Variants in MID1 observed in about 807,000 individuals in gnomAD.
The protein encoded by MID1 is midline 1, also known as E3 ubiquitin-protein ligase Midline-1.
MID1 carries 7 observed loss-of-function variants against 40.4 expected under a neutral mutation model. The ratio of observed to expected loss-of-function variants is 0.17; its 90% confidence interval spans 0.10 to 0.33. The LOEUF is 0.33. Ranked by LOEUF, MID1 falls within the 10% of genes least tolerant of loss-of-function variation. The probability of loss-of-function intolerance (pLI) is 1.00; values close to 1 mark genes in which losing one functional copy is unlikely to be tolerated. For synonymous variants in MID1, 229 were observed against 221.2 expected, an observed-to-expected ratio of 1.04 and a Z score of -0.31; for missense variants, 367 against 558.5, an observed-to-expected ratio of 0.66 and a Z score of 3.46.
intron 1 of MID1, among the ~76,000 whole-genome samples, chrX:10,658,315 G>C (rs759161658): frequency 9.3e-6 from 1 of 107,009 alleles, no homozygotes; most frequent in Admixed American, 1.0e-4. Flanking sequence ...TACTTAATAG[G>C]GAATGTCTCA....
intron 1 of MID1, among the ~76,000 whole-genome samples, chrX:10,813,011 A>G: frequency 9.0e-6 from 1 of 111,371 alleles, no homozygotes; most frequent in Non-Finnish European, 1.9e-5. Flanking sequence ...GATAACATCA[A>G]TCTGCAGGTT....
chrX:10,721,085 T>C (rs1466695766), intron 1 of MID1, among the ~76,000 whole-genome samples: 10 of 109,456 alleles, frequency 9.1e-5, no homozygotes, highest in African/African-American at 3.3e-4. Context: ...CATTAGGAGA[T>C]ATACCTAATG....
In MID1 at chrX:10,567,247, G is replaced by A. The variant is rs746029175; in HGVS notation, c.301C>T (p.Arg101Cys). The A allele has an allele frequency of 1.3e-5, 16 of 1,206,783 alleles. No individual in the cohort carries two copies. Among genetic ancestry groups the A allele is most frequent in the East Asian group, 8.9e-5 (3 of 33,690 alleles). Reference protein sequence around the residue: ...VSGPNSPSETRRERAFDANTM... With the variant: ...VSGPNSPSETCRERAFDANTM... ...TTGGCGTCAAAGGCCCGCTCCCGAC[G>A]GGTCTCGCTGGGAGAGTTGGGCCCG... Residue 101 changes from arginine (R) to cysteine (C), a missense_variant, in exon 2 of 10, where the codon CGT (arginine) becomes TGT (cysteine). Physicochemically the swap from Arg to Cys is radical, Grantham distance 180 (BLOSUM62 -3). Coordinates refer to ENST00000317552, the MANE Select transcript of MID1 (RefSeq NM_000381.4).
At position 10,619,219 on chromosome X, in the gene MID1, C is replaced by T. The variant is rs137948161; in HGVS notation, c.-57+1071G>A. Among the ~76,000 whole-genome samples, 15 of 112,058 alleles carry T rather than the reference C, an allele frequency of 1.3e-4. No individual in the cohort carries two copies. The East Asian group carries it at 4.2e-3, about 32-fold the overall frequency. ...GGGAAAGGGACAGAAAGTTCGAAACCCCTCCCCTGCGCTCTTAAATGGAAA... is the reference window on the plus strand; with the variant it reads ...GGGAAAGGGACAGAAAGTTCGAAACTCCTCCCCTGCGCTCTTAAATGGAAA... On this transcript the variant is annotated intron_variant, in intron 1 of 9. Coordinates refer to ENST00000317552, the MANE Select transcript of MID1 (RefSeq NM_000381.4).
At position 10,693,532 on chromosome X, in the gene MID1, C is replaced by G. The variant is rs546630114; in HGVS notation, c.-186-73113G>C. The stretch of plus-strand genomic sequence containing the variant: ...ATTATTTTTTGACATCCAGAGGAAT[C>G]CTTTAAAATAGGGATGATGGATATT... On this transcript the variant is annotated intron_variant, in intron 1 of 10. Transcript: ENST00000380785. 8.4e-4 allele frequency among the ~76,000 whole-genome samples: 93 copies of G among 110,967 alleles called. 2 individuals are homozygous for G. The South Asian group carries it at 9.5e-3, about 11-fold the overall frequency.
chrX:10,676,755 G>A (rs1308593404), intron 1 of MID1, among the ~76,000 whole-genome samples: 2 of 111,452 alleles, frequency 1.8e-5, no homozygotes, highest in Non-Finnish European at 3.8e-5. Context: ...TGGAAGGGGG[G>A]TGTTTGCTGG....
intron 5 of MID1, among the ~76,000 whole-genome samples, chrX:10,479,924 C>A (rs1930223860): frequency 9.0e-6 from 1 of 111,713 alleles, no homozygotes; most frequent in South Asian, 3.8e-4. Flanking sequence ...CCAAACTGTT[C>A]CTGAACCCAA....
intron 1 of MID1, among the ~76,000 whole-genome samples, chrX:10,619,904 A>T (rs1935904449): frequency 8.9e-6 from 1 of 112,150 alleles, no homozygotes; most frequent in South Asian, 3.8e-4. Context: ...TTTTCAGGAC[A>T]TTCAGCTGTC....
intron 1 of MID1, among the ~76,000 whole-genome samples, chrX:10,571,554 C>G (rs1438424732): frequency 9.7e-6 from 1 of 102,654 alleles, no homozygotes; most frequent in Non-Finnish European, 2.0e-5. Context: ...TGTACTTGGT[C>G]CTGAGACAAG....
chrX:10,465,214 T>TATATATATAC (rs1477864693), intron 7 of MID1, among the ~76,000 whole-genome samples: 6 of 39,898 alleles, frequency 1.5e-4, no homozygotes, highest in African/African-American at 1.4e-4. Flanking sequence ...TATATATATA[T>TATATATATAC]ACACACACAC....
At chrX:10,762,367 A>C (rs1602562087) in intron 1 of MID1, among the ~76,000 whole-genome samples, 1 of 111,974 alleles carries the variant, frequency 8.9e-6, no homozygotes, top group East Asian at 2.8e-4. Context: ...CAAAAATGGA[A>C]AGACCCACTG....
chrX:10,799,178 C>T (rs2043988549), intron 1 of MID1, among the ~76,000 whole-genome samples: 1 of 111,706 alleles, frequency 9.0e-6, no homozygotes, highest in African/African-American at 3.3e-5. Flanking sequence ...GCTAATATTA[C>T]TGGTACGTGG....
chrX:10,553,313 T>G (rs1459051308), intron 2 of MID1, among the ~76,000 whole-genome samples: 1 of 110,346 alleles, frequency 9.1e-6, no homozygotes, highest in Non-Finnish European at 1.9e-5. Context: ...TATATACGTA[T>G]GAACCCTGAG....
At chrX:10,666,936 A>G in intron 1 of MID1, among the ~76,000 whole-genome samples, 1 of 111,880 alleles carries the variant, frequency 8.9e-6, no homozygotes, top group East Asian at 2.8e-4. Flanking sequence ...CTGGTAAATG[A>G]TGAAATGGGC....
At chrX:10,491,016 C>CA (rs939024166) in intron 4 of MID1, among the ~76,000 whole-genome samples, 1 of 111,745 alleles carries the variant, frequency 8.9e-6, no homozygotes, top group African/African-American at 3.3e-5. Context: ...GCCCCACACT[C>CA]TTTTTTCCTT....
At chrX:10,687,443 C>A (rs750146247) in intron 1 of MID1, among the ~76,000 whole-genome samples, 70 of 111,878 alleles carry the variant, frequency 6.3e-4, no homozygotes, top group African/African-American at 2.0e-3. Context: ...GAGAAAAATA[C>A]CCCCATCACC....
At chrX:10,810,694 C>CTG (rs1296699151) in intron 1 of MID1, among the ~76,000 whole-genome samples, 11 of 73,441 alleles carry the variant, frequency 1.5e-4, no homozygotes, top group Middle Eastern at 6.4e-3. Flanking sequence ...TTGTTGTTTT[C>CTG]TCTGTGTGTG....
At chrX:10,548,243 G>A (rs1018063473) in intron 2 of MID1, among the ~76,000 whole-genome samples, 1 of 111,095 alleles carries the variant, frequency 9.0e-6, no homozygotes, top group Non-Finnish European at 1.9e-5. Flanking sequence ...CCCTCTCCAT[G>A]AGGCTCCTCT....
At position 10,548,267 on chromosome X, in the gene MID1, A is replaced by G. The variant is rs1465832992; in HGVS notation, c.660+18621T>C. Among the ~76,000 whole-genome samples, 3 of 111,313 alleles carry G rather than the reference A, an allele frequency of 2.7e-5. No individual in the cohort carries two copies. The East Asian group carries it at 8.5e-4, about 32-fold the overall frequency. On this transcript the variant is annotated intron_variant, in intron 2 of 9. Coordinates refer to ENST00000317552, the MANE Select transcript of MID1 (RefSeq NM_000381.4). ...TGAGGCTCCTCTCCATGCAGTTATT[A>G]TCTCTATGATACCCCTCTCTATGAT...
Sources: gnomAD v4.1 joint callset for allele counts (sites outside exome capture counted in the v4.1 genomes callset) on GRCh38, gnomAD v4.1.1 for gene constraint, MANE v1.5 for transcripts, NCBI Gene and HGNC (gene_info 2026-07-23, HGNC 2026-07-21) for gene names.